The following EYA4 variants were observed in gnomAD, a reference collection of about 807,000 sequenced individuals.
EYA4 encodes the protein protein phosphatase EYA4.
In EYA4, 31 loss-of-function variants were observed where a neutral mutation model predicts 87.9. The ratio of observed to expected loss-of-function variants is 0.35; its 90% CI spans 0.27 to 0.48. The LOEUF is 0.48. Among genes scored for constraint, EYA4 ranks in the 20% least tolerant of loss-of-function variants. The pLI is 0.99. For synonymous variants in EYA4, 263 were observed against 270.6 expected (o/e 0.97, Z 0.28); for missense variants, 678 against 761.4 (o/e 0.89, Z 1.29).
At chr6:133,425,010 C>T (rs914860594) in intron 3 of EYA4, among the ~76,000 whole-genome samples, 1 of 150,692 alleles carries the variant, frequency 6.6e-6, no homozygotes, top group Non-Finnish European at 1.5e-5. Flanking sequence ...GCTTTCAGAG[C>T]CTTCTGTGTT....
intron 2 of EYA4, among the ~76,000 whole-genome samples, chr6:133,305,659 A>G (rs1002740897): frequency 2.0e-5 from 3 of 152,170 alleles, no homozygotes; most frequent in African/African-American, 7.2e-5. Context: ...ATGGTGAGTT[A>G]GCATTGTACA....
intron 1 of EYA4, among the ~76,000 whole-genome samples, chr6:133,267,683 CCTCATCATTTTT>C (rs955072397): frequency 5.3e-5 from 8 of 151,958 alleles, no homozygotes; most frequent in African/African-American, 1.9e-4. Flanking sequence ...ACGCCTGGCC[CCTCATCATTTTT>C]ATAATTACTT....
At chr6:133,283,472 C>T (rs974941569) in intron 2 of EYA4, among the ~76,000 whole-genome samples, 3 of 152,040 alleles carry the variant, frequency 2.0e-5, no homozygotes, top group Non-Finnish European at 4.4e-5. Context: ...TAATGTTCAT[C>T]GATAGAGGTA....
chr6:133,523,429 AAAT>A (rs908161778), intron 18 of EYA4, among the ~76,000 whole-genome samples: 112 of 152,282 alleles, frequency 7.4e-4, no homozygotes, highest in African/African-American at 2.6e-3. Flanking sequence ...CATGTTATCT[AAAT>A]AATATGTAAT....
chr6:133,442,690 G>T (rs1276391296), intron 3 of EYA4, among the ~76,000 whole-genome samples: 1 of 152,012 alleles, frequency 6.6e-6, no homozygotes, highest in Admixed American at 6.5e-5. Flanking sequence ...GGCTAAGATT[G>T]CTAGTAGAAT....
chr6:133,246,539 T>C (rs1482335258), intron 1 of EYA4, among the ~76,000 whole-genome samples: 1 of 152,126 alleles, frequency 6.6e-6, no homozygotes, highest in Non-Finnish European at 1.5e-5. Context: ...CAAAGTGAAA[T>C]TGCGTTAAAC....
intron 7 of EYA4, chr6:133,462,067 C>A: frequency 2.2e-6 from 1 of 463,140 alleles, no homozygotes; most frequent in Non-Finnish European, 4.0e-6. Context: ...GGAAGAGACA[C>A]AGGTGTAAAA....
At chr6:133,302,433 C>T (rs1264432744) in intron 2 of EYA4, among the ~76,000 whole-genome samples, 2 of 152,144 alleles carry the variant, frequency 1.3e-5, no homozygotes, top group Non-Finnish European at 2.9e-5. Flanking sequence ...AAATTCATAA[C>T]ACTTTTGGCA....
intron 13 of EYA4, among the ~76,000 whole-genome samples, chr6:133,500,662 G>GTCTCTTGCACC (rs1798038584): frequency 6.6e-6 from 1 of 152,104 alleles, no homozygotes; most frequent in African/African-American, 2.4e-5. Context: ...AGCCATAGAT[G>GTCTCTTGCACC]TCTCTTGCAC....
At chr6:133,451,828 C>A (rs1300744936) in intron 5 of EYA4, among the ~76,000 whole-genome samples, 2 of 151,960 alleles carry the variant, frequency 1.3e-5, no homozygotes, top group Non-Finnish European at 2.9e-5. Context: ...GTGTTTTTTT[C>A]TATATTTGAA....
intron 1 of EYA4, chr6:133,245,103 T>C (rs1327275365): frequency 2.0e-5 from 3 of 152,246 alleles, no homozygotes; most frequent in South Asian, 4.1e-4. Context: ...GTTAGGTAAA[T>C]GCAAGAACAC....
intron 3 of EYA4, among the ~76,000 whole-genome samples, chr6:133,386,287 G>T (rs1025980146): frequency 1.3e-5 from 2 of 151,950 alleles, no homozygotes; most frequent in Non-Finnish European, 2.9e-5. Context: ...ACTCATCACC[G>T]AAAATACATG....
intron 2 of EYA4, among the ~76,000 whole-genome samples, chr6:133,310,268 C>T (rs1040363982): frequency 1.2e-4 from 19 of 152,202 alleles, no homozygotes; most frequent in South Asian, 2.1e-4. Flanking sequence ...CTTGTTATTT[C>T]GCATCTGTGT....
intron 3 of EYA4, 28 bp from the exon 4 acceptor site, chr6:133,446,602 T>C (rs747386101): frequency 1.9e-6 from 3 of 1,613,616 alleles, no homozygotes; most frequent in Non-Finnish European, 2.5e-6. Context: ...CAATTTCAAC[T>C]TTTCTCTGCT....
chr6:133,462,320 T>C lies in EYA4; in HGVS notation c.438-15T>C, dbSNP rs752763979. 31 of 1,613,832 alleles carry C rather than the reference T, an allele frequency of 1.9e-5. No individual in the cohort carries two copies. The East Asian group carries it at 6.9e-4, about 36-fold the overall frequency. On this transcript the variant is annotated splice_polypyrimidine_tract_variant and intron_variant, in intron 7 of 19. Coordinates refer to ENST00000355286, the MANE Select transcript of EYA4 (RefSeq NM_004100.5). ...GTCTTTGTTGCCACAGTAATGCTAT[T>C]TTTCTGATATTTAGGCCCTATCCAC... is the stretch of plus-strand genomic sequence containing the variant.
In EYA4 at chr6:133,385,316, A is replaced by G. The variant is rs1462192968; in HGVS notation, c.83+2875A>G. Reference sequence around the variant, plus strand: ...TCTGTCTCAAAAAAAAAAAAAAAAAACCCACAAAATATATATATTTTATAC... The same window carrying G: ...TCTGTCTCAAAAAAAAAAAAAAAAAGCCCACAAAATATATATATTTTATAC... On this transcript the variant is annotated intron_variant, in intron 3 of 19. Coordinates refer to ENST00000355286, the MANE Select transcript of EYA4 (RefSeq NM_004100.5). Among the ~76,000 whole-genome samples the G allele has an allele frequency of 5.5e-5, 7 of 126,316 alleles. 1 individual carries two copies. The South Asian group carries it at 1.8e-3, about 33-fold the overall frequency. 82.9% of individuals were successfully genotyped at this position (126,316 alleles called of 152,430 possible).
At chr6:133,339,929 G>A (rs1562307010) in intron 2 of EYA4, among the ~76,000 whole-genome samples, 2 of 152,146 alleles carry the variant, frequency 1.3e-5, no homozygotes, top group Non-Finnish European at 2.9e-5. Context: ...AGGGACGGTG[G>A]CCAAGGATGG....
chr6:133,431,999 C>A (rs960086914), intron 3 of EYA4, among the ~76,000 whole-genome samples: 6 of 149,464 alleles, frequency 4.0e-5, no homozygotes, highest in Non-Finnish European at 8.9e-5. Flanking sequence ...GACCATGGTG[C>A]ATTATTCCAC....
At chr6:133,356,151 G>C (rs993789134) in intron 2 of EYA4, among the ~76,000 whole-genome samples, 2 of 152,038 alleles carry the variant, frequency 1.3e-5, no homozygotes, top group African/African-American at 4.8e-5. Flanking sequence ...TGATGACCCT[G>C]CTCCTCATGA....
Sources: allele counts gnomAD v4.1 joint callset (sites outside exome capture counted in the v4.1 genomes callset), GRCh38; gene constraint gnomAD v4.1.1; transcripts MANE v1.5; gene names NCBI Gene and HGNC (gene_info 2026-07-23, HGNC 2026-07-21).